ZNF37A: variants seen among roughly 807,000 people sequenced by gnomAD.
The protein encoded by ZNF37A is zinc finger protein 37a (KOX 21).
Under a neutral mutation model 12.3 loss-of-function variants are expected in ZNF37A, and 10 were observed. That is an observed-to-expected ratio of 0.82 (90% CI 0.50 to 1.38). The LOEUF (loss-of-function observed/expected upper bound fraction) is 1.38, where lower values mean the gene tolerates loss of function less well. Among genes scored for constraint, ZNF37A ranks in the 40% most tolerant of loss-of-function variants. The pLI, the probability that ZNF37A is intolerant of heterozygous loss-of-function variation, is 0.00. For synonymous variants in ZNF37A, 207 were observed against 223.0 expected, an observed-to-expected ratio of 0.93 and a Z score of 0.64; for missense variants, 580 against 651.2, an observed-to-expected ratio of 0.89 and a Z score of 1.19.
At chr10:38,113,153 A>G (rs1189442644) in intron 5 of ZNF37A, among the ~76,000 whole-genome samples, 2 of 147,468 alleles carry the variant, frequency 1.4e-5, no homozygotes, top group Admixed American at 1.4e-4. Flanking sequence ...TTGTTTTCAT[A>G]GTTAGGCAAA....
At chr10:38,135,071 A>T (rs1212473507) in intron 7 of ZNF37A, among the ~76,000 whole-genome samples, 4 of 152,220 alleles carry the variant, frequency 2.6e-5, no homozygotes, top group Non-Finnish European at 5.9e-5. Context: ...ATTTGAATGG[A>T]TACCACTTAA....
intron 5 of ZNF37A, among the ~76,000 whole-genome samples, chr10:38,102,024 A>G (rs2067628956): frequency 6.6e-6 from 1 of 151,400 alleles, no homozygotes; most frequent in Non-Finnish European, 1.5e-5. Flanking sequence ...TTTAGTAGAG[A>G]CGGGGTTTCA....
intron 5 of ZNF37A, among the ~76,000 whole-genome samples, chr10:38,099,665 C>A (rs1327652741): frequency 6.6e-6 from 1 of 152,122 alleles, no homozygotes; most frequent in Non-Finnish European, 1.5e-5. Flanking sequence ...TATGGTAATT[C>A]TATTTTTAAT....
intron 7 of ZNF37A, among the ~76,000 whole-genome samples, chr10:38,132,764 A>T (rs572472081): frequency 6.6e-6 from 1 of 151,396 alleles, no homozygotes; most frequent in East Asian, 1.9e-4. Context: ...ATGTAACCCC[A>T]TGGTAACTCA....
intron 5 of ZNF37A, among the ~76,000 whole-genome samples, chr10:38,103,078 C>A (rs1006846787): frequency 3.3e-5 from 5 of 152,232 alleles, no homozygotes; most frequent in Admixed American, 2.0e-4. Flanking sequence ...AGATTCATGT[C>A]TTTCATCAAT....
chr10:38,137,469 T>A (rs1564387811), intron 7 of ZNF37A: 1 of 152,194 alleles, frequency 6.6e-6, no homozygotes, highest in Non-Finnish European at 1.5e-5. Context: ...CCCTTTTGAA[T>A]CCCTTGGTGG....
intron 7 of ZNF37A, among the ~76,000 whole-genome samples, chr10:38,130,886 T>C (rs2070017074): frequency 6.6e-6 from 1 of 152,228 alleles, no homozygotes; most frequent in Non-Finnish European, 1.5e-5. Context: ...TTCGTTAGCA[T>C]ACACATCTTA....
intron 7 of ZNF37A, among the ~76,000 whole-genome samples, chr10:38,116,514 G>A (rs2136020291): frequency 6.6e-6 from 1 of 152,164 alleles, no homozygotes; most frequent in East Asian, 1.9e-4. Flanking sequence ...ATTTATGAGG[G>A]ACAAACAGCT....
In ZNF37A at chr10:38,118,900, T is replaced by A. The variant is rs1305672861; in HGVS notation, c.*63T>A. 6.7e-7 allele frequency: 1 copy of A among 1,503,272 alleles called. No homozygotes were observed. The highest frequency in any genetic ancestry group is 8.8e-7 in the Non-Finnish European group (1 of 1,130,568). 93.1% of individuals were successfully genotyped at this position (1,503,272 alleles called of 1,614,324 possible). A position where few individuals can be genotyped will look rare whatever the true frequency, so the allele number is the denominator to read the frequency against. On this transcript the variant is annotated 3_prime_UTR_variant, in exon 8 of 8. Transcript: ENST00000685332. Reference sequence around the variant, plus strand: ...GAGAAATCTGTTAATATAATGATAATGAGAACACCTTTGCCCTGAAGTCAG... The same window carrying A: ...GAGAAATCTGTTAATATAATGATAAAGAGAACACCTTTGCCCTGAAGTCAG...
At chr10:38,098,199 T>C (rs28621763) in intron 5 of ZNF37A, among the ~76,000 whole-genome samples, 3,962 of 152,350 alleles carry the variant, frequency 0.026, 70 homozygotes, top group Middle Eastern at 0.058. Flanking sequence ...ATACCAACTT[T>C]TGTTTATCCA....
chr10:38,112,752 T>TG (rs1358141812), intron 5 of ZNF37A, among the ~76,000 whole-genome samples: 3,047 of 124,968 alleles, frequency 0.024, 484 homozygotes, highest in African/African-American at 0.038. Context: ...TTTCTTTTCT[T>TG]TTCTTTTCTT....
intron 7 of ZNF37A, among the ~76,000 whole-genome samples, chr10:38,133,855 G>C (rs1187386499): frequency 6.6e-6 from 1 of 152,158 alleles, no homozygotes; most frequent in Admixed American, 6.5e-5. Context: ...GGGTCAAATG[G>C]TATTTCTAGT....
intron 5 of ZNF37A, among the ~76,000 whole-genome samples, chr10:38,113,014 G>A (rs1436548922): frequency 5.3e-5 from 8 of 151,736 alleles, no homozygotes; most frequent in African/African-American, 1.9e-4. Flanking sequence ...CACCATGTTA[G>A]CCATGCTGGT....
chr10:38,126,122 A>G (rs921536952), downstream of ZNF37A, among the ~76,000 whole-genome samples: 20 of 152,178 alleles, frequency 1.3e-4, no homozygotes, highest in African/African-American at 4.3e-4. Flanking sequence ...AAAATATCCA[A>G]AGTATAGGAT....
rs1400080203 is a variant in ZNF37A at position 38,121,920 on chromosome 10, A to G, written c.*3083A>G. 6.6e-6 allele frequency: 1 copy of G among 152,196 alleles called. No individual in the cohort carries two copies. The highest frequency in any genetic ancestry group is 1.5e-5 in the Non-Finnish European group (1 of 68,032). 9.4% of individuals were successfully genotyped at this position (152,196 alleles called of 1,614,324 possible). A position where few individuals can be genotyped will look rare whatever the true frequency, so the allele number is the denominator to read the frequency against. On this transcript the variant is annotated 3_prime_UTR_variant, in exon 8 of 8. Coordinates refer to ENST00000685332, the MANE Select transcript of ZNF37A (RefSeq NM_001324250.3). ...TTGGGAGAAATACAAGATGAGCCTG[A>G]ATCATCTCATGTACCTGACAGTAAG... is the stretch of plus-strand genomic sequence containing the variant.
intron 7 of ZNF37A, among the ~76,000 whole-genome samples, chr10:38,135,021 A>T (rs2070088776): frequency 6.6e-6 from 1 of 152,200 alleles, no homozygotes; most frequent in South Asian, 2.1e-4. Flanking sequence ...GGTAGTTACT[A>T]TAGGGATTAC....
chr10:38,148,184 T>C (rs2070278284), exon 8 of ZNF37A: 1 of 152,106 alleles, frequency 6.6e-6, no homozygotes, highest in Admixed American at 6.5e-5. Context: ...GCATCCTTGG[T>C]TTATCTACAC....
At chr10:38,148,079 G>C (rs990429830) in exon 8 of ZNF37A, 2 of 152,216 alleles carry the variant, frequency 1.3e-5, no homozygotes, top group Non-Finnish European at 2.9e-5. Flanking sequence ...ACAAACAGCT[G>C]ATCTTGGAGG....
downstream of ZNF37A, among the ~76,000 whole-genome samples, chr10:38,130,387 C>T (rs113688744): frequency 5.3e-5 from 8 of 152,132 alleles, no homozygotes; most frequent in East Asian, 1.9e-4. Flanking sequence ...TTTGGATGTA[C>T]ACCTTACAGC....
Sources: allele counts gnomAD v4.1 joint callset (sites outside exome capture counted in the v4.1 genomes callset), GRCh38; gene constraint gnomAD v4.1.1; transcripts MANE v1.5; gene names NCBI Gene and HGNC (gene_info 2026-07-23, HGNC 2026-07-21).